The following PTPRD variants were observed in gnomAD, a reference collection of about 807,000 sequenced individuals.
PTPRD encodes the protein receptor-type tyrosine-protein phosphatase delta.
PTPRD carries 34 observed loss-of-function variants against 214.5 expected under a neutral mutation model. The ratio of observed to expected loss-of-function variants is 0.16; its 90% CI spans 0.12 to 0.21. PTPRD has a LOEUF of 0.21. Ranked by LOEUF, PTPRD falls within the 10% of genes least tolerant of loss-of-function variation. The pLI, the probability that PTPRD is intolerant of heterozygous loss-of-function variation, is 1.00. For missense variants in PTPRD, 2,545 were observed against 2,398.7 expected (o/e 1.06, Z -1.27); for synonymous variants, 1,128 against 845.7 (o/e 1.33, Z -5.79).
chr9:9,092,843 C>T (rs566885259), intron 10 of PTPRD, among the ~76,000 whole-genome samples: 456 of 151,920 alleles, frequency 3.0e-3, no homozygotes, highest in Non-Finnish European at 4.9e-3. Context: ...CCAATAATTT[C>T]ATCATGTGTA....
intron 12 of PTPRD, among the ~76,000 whole-genome samples, chr9:8,717,247 G>T (rs58278502): frequency 6.6e-6 from 1 of 152,162 alleles, no homozygotes; most frequent in South Asian, 2.1e-4. Flanking sequence ...TGTGCATTAG[G>T]TGTGTTGGGG....
At chr9:9,052,412 T>G (rs1005505057) in intron 10 of PTPRD, among the ~76,000 whole-genome samples, 9 of 152,314 alleles carry the variant, frequency 5.9e-5, no homozygotes, top group African/African-American at 1.7e-4. Flanking sequence ...AATAGTAGAT[T>G]GAATACAAGA....
At chr9:8,372,847 G>C (rs780659591) in intron 39 of PTPRD, among the ~76,000 whole-genome samples, 3 of 151,826 alleles carry the variant, frequency 2.0e-5, no homozygotes, top group Non-Finnish European at 4.4e-5. Context: ...TCCTTTTTCT[G>C]TACTGCACCG....
chr9:10,532,512 G>T (rs767923978), intron 2 of PTPRD: 2 of 149,714 alleles, frequency 1.3e-5, no homozygotes, highest in Non-Finnish European at 3.0e-5. Context: ...AACAGTGTCT[G>T]TGCACCTTTT....
intron 12 of PTPRD, among the ~76,000 whole-genome samples, chr9:8,670,508 T>C (rs1184388632): frequency 6.6e-6 from 1 of 152,236 alleles, no homozygotes; most frequent in Non-Finnish European, 1.5e-5. Flanking sequence ...TTTTGTCAGC[T>C]AAAATATGTG....
intron 5 of PTPRD, among the ~76,000 whole-genome samples, chr9:9,802,888 C>T (rs1374013988): frequency 6.6e-6 from 1 of 151,832 alleles, no homozygotes; most frequent in East Asian, 1.9e-4. Context: ...TTGCATTACA[C>T]TAATAATGCA....
chr9:9,256,500 C>T lies in PTPRD; in HGVS notation c.-202-73137G>A, dbSNP rs777860815. ...AGATTTAAACTCTTCTAATCCAGCC[C>T]TAAACGCTGACCTAATAAAAATTCC... On this transcript the variant is annotated intron_variant, in intron 9 of 45. Transcript: ENST00000381196. Among the ~76,000 whole-genome samples the T allele has an allele frequency of 3.2e-4, 49 of 151,708 alleles. 1 individual carries two copies. Among genetic ancestry groups the T allele is most frequent in the Non-Finnish European group, 6.5e-4 (44 of 67,946 alleles).
At chr9:10,247,535 C>T (rs1028891915) in intron 3 of PTPRD, among the ~76,000 whole-genome samples, 1 of 152,260 alleles carries the variant, frequency 6.6e-6, no homozygotes, top group East Asian at 1.9e-4. Flanking sequence ...TGATCCAACA[C>T]TTTATAAATT....
At chr9:9,289,131 A>C (rs1595226954) in intron 9 of PTPRD, among the ~76,000 whole-genome samples, 1 of 151,974 alleles carries the variant, frequency 6.6e-6, no homozygotes, top group Non-Finnish European at 1.5e-5. Flanking sequence ...GCAAATAGTT[A>C]CCCTCTAGAA....
chr9:9,779,078 C>CAAAA lies in PTPRD; in HGVS notation c.-367-12231_-367-12228dup, dbSNP rs869120926. Among the ~76,000 whole-genome samples the CAAAA allele has an allele frequency of 5.5e-4, 25 of 45,484 alleles. 5 individuals are homozygous for CAAAA. Among genetic ancestry groups the CAAAA allele is most frequent in the African/African-American group, 1.4e-3 (16 of 11,274 alleles). 29.8% of individuals were successfully genotyped at this position (45,484 alleles called of 152,430 possible). ...GCCATGTGATCTTTCATAAGACTGA[C>CAAAA]AAAAAAAAAAAAAAAAAAAAAAAAA... On this transcript the variant is annotated intron_variant, in intron 5 of 45. Coordinates refer to ENST00000381196, the MANE Select transcript of PTPRD (RefSeq NM_002839.4).
intron 10 of PTPRD, among the ~76,000 whole-genome samples, chr9:9,152,712 C>T (rs1439553560): frequency 6.6e-6 from 1 of 152,128 alleles, no homozygotes; most frequent in Non-Finnish European, 1.5e-5. Flanking sequence ...ATTTGTCACC[C>T]AGTGGTTTCT....
At chr9:9,326,028 T>A (rs189302356) in intron 9 of PTPRD, among the ~76,000 whole-genome samples, 1 of 152,194 alleles carries the variant, frequency 6.6e-6, no homozygotes, top group Non-Finnish European at 1.5e-5. Flanking sequence ...CAGCCTTGCA[T>A]CCCAGGGATG....
At chr9:10,607,580 G>A (rs1259738815) in intron 2 of PTPRD, among the ~76,000 whole-genome samples, 1 of 151,642 alleles carries the variant, frequency 6.6e-6, no homozygotes. Context: ...TGATCTCCCA[G>A]ACTTCAGTGA....
intron 5 of PTPRD, among the ~76,000 whole-genome samples, chr9:9,815,429 G>C (rs1257901266): frequency 6.6e-6 from 1 of 152,096 alleles, no homozygotes; most frequent in East Asian, 1.9e-4. Context: ...GAAACGTAGA[G>C]AAAAGTCTCC....
At chr9:10,040,416 T>C (rs1289752929) in intron 3 of PTPRD, among the ~76,000 whole-genome samples, 5 of 152,038 alleles carry the variant, frequency 3.3e-5, no homozygotes, top group Non-Finnish European at 5.9e-5. Context: ...AACTACATAC[T>C]GAGAATTCCA....
intron 7 of PTPRD, among the ~76,000 whole-genome samples, chr9:9,622,754 T>C (rs532929421): frequency 6.6e-6 from 1 of 152,342 alleles, no homozygotes; most frequent in African/African-American, 2.4e-5. Context: ...CACCCAACAA[T>C]GGCATACATT....
intron 11 of PTPRD, among the ~76,000 whole-genome samples, chr9:8,980,595 A>C (rs1411364336): frequency 1.3e-5 from 2 of 152,160 alleles, no homozygotes; most frequent in African/African-American, 4.8e-5. Flanking sequence ...AAGTTATCTC[A>C]GAAAATTCCC....
intron 2 of PTPRD, among the ~76,000 whole-genome samples, chr9:10,342,795 A>G (rs1045030321): frequency 1.3e-5 from 2 of 152,106 alleles, no homozygotes; most frequent in Non-Finnish European, 2.9e-5. Flanking sequence ...CCATTAAGAT[A>G]AATAATGTGC....
intron 5 of PTPRD, among the ~76,000 whole-genome samples, chr9:9,874,948 C>T (rs762005010): frequency 6.6e-5 from 10 of 152,166 alleles, no homozygotes; most frequent in Middle Eastern, 6.8e-3. Flanking sequence ...GATAGATTAC[C>T]TTAAAATTTC....
Sources: allele counts gnomAD v4.1 joint callset (sites outside exome capture counted in the v4.1 genomes callset), GRCh38; gene constraint gnomAD v4.1.1; transcripts MANE v1.5; gene names NCBI Gene and HGNC (gene_info 2026-07-23, HGNC 2026-07-21).